Variants in IL1RAPL2 observed in about 807,000 individuals in gnomAD.
IL1RAPL2 encodes X-linked interleukin-1 receptor accessory protein-like 2.
A neutral mutation model predicts 44.1 loss-of-function variants in IL1RAPL2; 3 were observed. That is an observed-to-expected ratio of 0.07 (90% confidence interval 0.03 to 0.18). The LOEUF (loss-of-function observed/expected upper bound fraction) is 0.18. IL1RAPL2 is among the 10% of genes least tolerant of loss of function. IL1RAPL2 has a pLI of 1.00. For missense variants in IL1RAPL2, 391 were observed against 496.4 expected (o/e 0.79, Z 2.02); for synonymous variants, 181 against 178.8 (o/e 1.01, Z -0.10).
In IL1RAPL2 at chrX:105,071,240, T is replaced by C. The variant is rs190230906; in HGVS notation, c.83-124235T>C. On this transcript the variant is annotated intron_variant, in intron 2 of 10. Transcript: ENST00000372582. ...CAGTAGCATTTGTCTATACAAACAA[T>C]AAACTATCTGAAAAAGATAAAGAAA... 1.4e-4 allele frequency among the ~76,000 whole-genome samples: 15 copies of C among 110,949 alleles called. No homozygotes were observed. In the East Asian group the frequency reaches 2.8e-3, roughly 21 times the overall value.
At chrX:104,569,249 A>G (rs1928099920) in intron 1 of IL1RAPL2, among the ~76,000 whole-genome samples, 1 of 111,973 alleles carries the variant, frequency 8.9e-6, no homozygotes, top group Non-Finnish European at 1.9e-5. Context: ...AGGTTGAGCA[A>G]TTGGCCATTT....
chrX:105,400,447 C>G lies in IL1RAPL2; in HGVS notation c.698-83866C>G, dbSNP rs957484427. On this transcript the variant is annotated intron_variant, in intron 5 of 10. Coordinates refer to ENST00000372582, the MANE Select transcript of IL1RAPL2 (RefSeq NM_017416.2). ...CTTATACTTTTATGATGATTTCATACATGGCTTTTCACTCAAGAGACTGTG... is the reference window on the plus strand; with the variant it reads ...CTTATACTTTTATGATGATTTCATAGATGGCTTTTCACTCAAGAGACTGTG... Among the ~76,000 whole-genome samples, 5 of 111,128 alleles carry G rather than the reference C, an allele frequency of 4.5e-5. No homozygotes were observed. The Admixed American group carries it at 4.8e-4, about 11-fold the overall frequency.
chrX:104,907,661 T>G (rs1441369781), intron 2 of IL1RAPL2, among the ~76,000 whole-genome samples: 44 of 111,524 alleles, frequency 3.9e-4, no homozygotes, highest in Non-Finnish European at 7.7e-4. Context: ...CACTGTGGTC[T>G]GAGAGATAGT....
intron 2 of IL1RAPL2, among the ~76,000 whole-genome samples, chrX:105,101,888 A>T: frequency 8.9e-6 from 1 of 112,081 alleles, no homozygotes; most frequent in Admixed American, 9.5e-5. Context: ...AAAATCAGTT[A>T]TTGCCACTCA....
intron 2 of IL1RAPL2, among the ~76,000 whole-genome samples, chrX:105,076,398 G>A (rs1569375725): frequency 8.9e-6 from 1 of 111,899 alleles, no homozygotes; most frequent in East Asian, 2.8e-4. Context: ...TTGCACTGTG[G>A]TCTGAGAGAC....
intron 2 of IL1RAPL2, among the ~76,000 whole-genome samples, chrX:104,939,559 C>T (rs1366781770): frequency 9.0e-6 from 1 of 111,354 alleles, no homozygotes; most frequent in East Asian, 2.8e-4. Flanking sequence ...TTTTAAAGGG[C>T]AGAAATATTT....
At chrX:105,745,577 G>A (rs73245800) in intron 8 of IL1RAPL2, among the ~76,000 whole-genome samples, 1,576 of 112,327 alleles carry the variant, frequency 0.014, 21 homozygotes, top group Non-Finnish European at 0.022. Flanking sequence ...TCACATGGCA[G>A]TAGCAGCAAA....
chrX:105,224,336 G>T (rs1603020789), intron 3 of IL1RAPL2, among the ~76,000 whole-genome samples: 1 of 111,904 alleles, frequency 8.9e-6, no homozygotes, highest in Admixed American at 9.5e-5. Flanking sequence ...AAGGTCATTA[G>T]ATTTAGCTAA....
chrX:104,675,878 T>C (rs1323347600), intron 2 of IL1RAPL2, among the ~76,000 whole-genome samples: 2 of 106,856 alleles, frequency 1.9e-5, no homozygotes, highest in Admixed American at 2.0e-4. Flanking sequence ...TCTTTCGATC[T>C]CTGTTGGTTT....
chrX:105,435,793 C>T (rs1251422102), intron 5 of IL1RAPL2, among the ~76,000 whole-genome samples: 2 of 111,250 alleles, frequency 1.8e-5, no homozygotes, highest in Non-Finnish European at 3.8e-5. Flanking sequence ...AAGACAGGAA[C>T]AGAAAACCAA....
At chrX:105,335,490 C>T (rs1341735815) in intron 5 of IL1RAPL2, among the ~76,000 whole-genome samples, 1 of 110,884 alleles carries the variant, frequency 9.0e-6, no homozygotes, top group East Asian at 2.8e-4. Flanking sequence ...ATTGCTTTAG[C>T]TCCTAGCTCT....
At chrX:105,248,543 G>C (rs1399468267) in intron 4 of IL1RAPL2, among the ~76,000 whole-genome samples, 1 of 111,183 alleles carries the variant, frequency 9.0e-6, no homozygotes, top group Non-Finnish European at 1.9e-5. Context: ...CATTTAACAA[G>C]GATGCAAAGG....
intron 6 of IL1RAPL2, among the ~76,000 whole-genome samples, chrX:105,501,519 G>A (rs188576353): frequency 9.1e-6 from 1 of 110,399 alleles, no homozygotes; most frequent in Admixed American, 9.7e-5. Context: ...AGCTACTCAG[G>A]AGACTGAGCT....
At chrX:104,808,317 A>T (rs1165804278) in intron 2 of IL1RAPL2, among the ~76,000 whole-genome samples, 2 of 111,678 alleles carry the variant, frequency 1.8e-5, no homozygotes, top group East Asian at 5.6e-4. Flanking sequence ...ACCCTCTGAC[A>T]TAGGTAGAGT....
chrX:105,519,130 C>T (rs1360497271), intron 6 of IL1RAPL2, among the ~76,000 whole-genome samples: 1 of 112,093 alleles, frequency 8.9e-6, no homozygotes, highest in Non-Finnish European at 1.9e-5. Flanking sequence ...GTCCAAAGTC[C>T]TTTCCACCAT....
chrX:105,034,887 C>T (rs993052201), intron 2 of IL1RAPL2, among the ~76,000 whole-genome samples: 18 of 111,062 alleles, frequency 1.6e-4, no homozygotes, highest in African/African-American at 4.6e-4. Context: ...TGGTGGGCTC[C>T]ACCCAGTTCG....
intron 6 of IL1RAPL2, chrX:105,676,292 A>G (rs1211876519): frequency 8.9e-6 from 1 of 111,975 alleles, no homozygotes; most frequent in Non-Finnish European, 1.9e-5. Context: ...CACAGGCCAG[A>G]CTAGAGCTCA....
chrX:105,265,667 T>G (rs2147655116), intron 4 of IL1RAPL2, among the ~76,000 whole-genome samples: 1 of 111,452 alleles, frequency 9.0e-6, no homozygotes, highest in Non-Finnish European at 1.9e-5. Flanking sequence ...ATCTCTTAAA[T>G]ATTATACTTG....
chrX:105,604,525 A>G (rs759203752), intron 6 of IL1RAPL2, among the ~76,000 whole-genome samples: 2 of 111,220 alleles, frequency 1.8e-5, no homozygotes, highest in Non-Finnish European at 3.8e-5. Context: ...TATGCCAAAA[A>G]AAAAAGAAAA....
Sources: gnomAD v4.1 joint callset for allele counts (sites outside exome capture counted in the v4.1 genomes callset) on GRCh38, gnomAD v4.1.1 for gene constraint, MANE v1.5 for transcripts, NCBI Gene and HGNC (gene_info 2026-07-23, HGNC 2026-07-21) for gene names.